ITGA9: variants seen among roughly 807,000 people sequenced by gnomAD.
ITGA9 encodes integrin subunit alpha 9.
ITGA9 carries 56 observed loss-of-function variants against 127.8 expected under a neutral mutation model. That is an observed-to-expected ratio of 0.44 (90% confidence interval 0.35 to 0.55). The LOEUF is 0.55. Ranked by LOEUF, ITGA9 falls within the 20% of genes least tolerant of loss-of-function variation. The pLI is 0.00. For synonymous variants in ITGA9, 508 were observed against 514.5 expected (o/e 0.99, Z 0.17); for missense variants, 1,196 against 1,347.1 (o/e 0.89, Z 1.76).
intron 16 of ITGA9, among the ~76,000 whole-genome samples, chr3:37,640,246 C>T (rs950242654): frequency 1.3e-5 from 2 of 152,136 alleles, no homozygotes; most frequent in Non-Finnish European, 2.9e-5. Context: ...AATCTAGTCA[C>T]ACGAGCCCTT....
chr3:37,757,894 GAT>G (rs1257539446), intron 23 of ITGA9, among the ~76,000 whole-genome samples: 1 of 151,714 alleles, frequency 6.6e-6, no homozygotes, highest in Non-Finnish European at 1.5e-5. Flanking sequence ...AGTAGAAAAA[GAT>G]AAAGAAACTC....
At chr3:37,519,468 C>T in intron 11 of ITGA9, 114 bp downstream of exon 11, 1 of 803,694 alleles carries the variant, frequency 1.2e-6, no homozygotes, top group East Asian at 2.7e-5. Flanking sequence ...TTTTTCTTGC[C>T]TTGGCCTTCC....
At chr3:37,481,202 CTA>C (rs1698550357) in intron 3 of ITGA9, among the ~76,000 whole-genome samples, 1 of 152,196 alleles carries the variant, frequency 6.6e-6, no homozygotes, top group Non-Finnish European at 1.5e-5. Context: ...CCCAGATTCT[CTA>C]TTCTATAACC....
chr3:37,543,041 C>G (rs532770549), intron 15 of ITGA9, among the ~76,000 whole-genome samples: 1 of 152,268 alleles, frequency 6.6e-6, no homozygotes, highest in Admixed American at 6.5e-5. Flanking sequence ...AGATTCTTCC[C>G]CCTTGACTAC....
intron 24 of ITGA9, among the ~76,000 whole-genome samples, chr3:37,778,485 G>A (rs1347276051): frequency 1.3e-5 from 2 of 152,078 alleles, no homozygotes; most frequent in East Asian, 3.9e-4. Context: ...GGATGTGGTA[G>A]TGGGCGCCTG....
intron 18 of ITGA9, among the ~76,000 whole-genome samples, chr3:37,697,979 C>T (rs1261533440): frequency 3.9e-5 from 6 of 152,220 alleles, no homozygotes; most frequent in Admixed American, 3.9e-4. Flanking sequence ...TATTTCTCCA[C>T]ATCCTCTCCA....
intron 4 of ITGA9, among the ~76,000 whole-genome samples, chr3:37,488,697 G>T (rs549180120): frequency 6.6e-6 from 1 of 151,684 alleles, no homozygotes; most frequent in African/African-American, 2.4e-5. Context: ...ACTTGGGAGG[G>T]TGAGGCACGA....
chr3:37,618,754 TCC>T (rs1009526468), intron 15 of ITGA9, among the ~76,000 whole-genome samples: 26 of 152,338 alleles, frequency 1.7e-4, no homozygotes, highest in African/African-American at 6.3e-4. Flanking sequence ...CGTAGGACTC[TCC>T]GAGCTAGGCA....
chr3:37,494,366 AGTCT>A (rs1306247130), intron 4 of ITGA9, 131 bp from the exon 5 acceptor site: 1 of 716,080 alleles, frequency 1.4e-6, no homozygotes, highest in Non-Finnish European at 2.6e-6. Context: ...TCCTCACCCC[AGTCT>A]GGATGGCATC....
intron 18 of ITGA9, among the ~76,000 whole-genome samples, chr3:37,697,324 TATTATTA>T (rs1207241585): frequency 3.4e-5 from 5 of 145,734 alleles, no homozygotes; most frequent in Non-Finnish European, 7.7e-5. Context: ...TTATTATTAT[TATTATTA>T]TTATTATTAT....
intron 17 of ITGA9, among the ~76,000 whole-genome samples, chr3:37,672,348 C>T (rs537183903): frequency 3.3e-5 from 5 of 152,224 alleles, no homozygotes; most frequent in Admixed American, 2.6e-4. Flanking sequence ...ATAAGTCTCA[C>T]GAGATCTGAT....
chr3:37,512,794 A>AG (rs1698945962), intron 8 of ITGA9, among the ~76,000 whole-genome samples: 2 of 152,134 alleles, frequency 1.3e-5, no homozygotes. Context: ...TGTGGGCTCC[A>AG]GTTTGCCACA....
intron 17 of ITGA9, among the ~76,000 whole-genome samples, chr3:37,678,497 T>C (rs1389636708): frequency 2.0e-5 from 3 of 152,210 alleles, no homozygotes; most frequent in South Asian, 4.1e-4. Flanking sequence ...CTAGTCATCA[T>C]TGTTAAATAT....
intron 18 of ITGA9, among the ~76,000 whole-genome samples, chr3:37,728,443 C>T (rs187637617): frequency 6.6e-6 from 1 of 152,108 alleles, no homozygotes; most frequent in East Asian, 1.9e-4. Flanking sequence ...GTGGGTATGT[C>T]TGTGACTCTT....
At chr3:37,734,344 C>T (rs550557685) in intron 19 of ITGA9, among the ~76,000 whole-genome samples, 12 of 152,320 alleles carry the variant, frequency 7.9e-5, no homozygotes, top group Non-Finnish European at 1.8e-4. Context: ...CATCTGCACA[C>T]AAATTTAATT....
chr3:37,762,714 G>T (rs1487560798), intron 23 of ITGA9, among the ~76,000 whole-genome samples: 2 of 152,194 alleles, frequency 1.3e-5, no homozygotes, highest in Admixed American at 1.3e-4. Flanking sequence ...CGATGTCAAA[G>T]AAATCTATTT....
intron 4 of ITGA9, among the ~76,000 whole-genome samples, chr3:37,493,364 C>T (rs1342187178): frequency 6.6e-6 from 1 of 152,158 alleles, no homozygotes; most frequent in Non-Finnish European, 1.5e-5. Flanking sequence ...CAGAGACTTG[C>T]CAGGAGCCCA....
intron 24 of ITGA9, 29 bp from the exon 25 acceptor site, chr3:37,779,873 T>C (rs1339886372): frequency 3.1e-6 from 5 of 1,612,794 alleles, no homozygotes; most frequent in African/African-American, 1.3e-5. Flanking sequence ...CTTAATTCCA[T>C]TGGAAATTTT....
At chr3:37,660,510 A>G (rs962168258) in intron 17 of ITGA9, among the ~76,000 whole-genome samples, 1 of 152,194 alleles carries the variant, frequency 6.6e-6, no homozygotes, top group African/African-American at 2.4e-5. Context: ...TTCAAGGCTC[A>G]GTATAGCACC....
Sources: gnomAD v4.1 joint callset for allele counts (sites outside exome capture counted in the v4.1 genomes callset) on GRCh38, gnomAD v4.1.1 for gene constraint, MANE v1.5 for transcripts, NCBI Gene and HGNC (gene_info 2026-07-23, HGNC 2026-07-21) for gene names.